NR2C2: variants seen among roughly 807,000 people sequenced by gnomAD.
NR2C2 encodes Nuclear hormone receptor TR4.
A neutral mutation model predicts 62.9 loss-of-function variants in NR2C2; 6 were observed. That is an observed-to-expected ratio of 0.10 (90% CI 0.05 to 0.19). The LOEUF is 0.19. Ranked by LOEUF, NR2C2 falls within the 10% of genes least tolerant of loss-of-function variation. The pLI, the probability that NR2C2 is intolerant of heterozygous loss-of-function variation, is 1.00. For missense variants in NR2C2, 479 were observed against 762.7 expected (o/e 0.63, Z 4.38); for synonymous variants, 272 against 273.8 (o/e 0.99, Z 0.07).
intron 1 of NR2C2, among the ~76,000 whole-genome samples, chr3:14,993,723 C>T (rs1416968688): frequency 6.6e-6 from 1 of 152,146 alleles, no homozygotes; most frequent in Admixed American, 6.5e-5. Flanking sequence ...TTCACTGAAT[C>T]TCAGGGCTAT....
At chr3:14,971,005 G>T (rs62241834) in intron 1 of NR2C2, among the ~76,000 whole-genome samples, 10,912 of 152,278 alleles carry the variant, frequency 0.072, 431 homozygotes, top group Middle Eastern at 0.099. Context: ...TTTATTATAA[G>T]CTTTGTGTAA....
chr3:15,015,352 C>T lies in NR2C2; in HGVS notation c.274-800C>T, dbSNP rs527344718. 3.9e-5 allele frequency among the ~76,000 whole-genome samples: 6 copies of T among 152,292 alleles called. No individual in the cohort carries two copies. In the South Asian group the frequency reaches 1.2e-3, roughly 32 times the overall value. On this transcript the variant is annotated intron_variant, in intron 3 of 13. Coordinates refer to ENST00000425241, the MANE Select transcript of NR2C2 (RefSeq NM_001291694.2). ...TATTCTCCCAGATGAATTGCTGTCG[C>T]CTAGAAAATCACCACAAATGAGGGG...
chr3:14,992,090 C>T (rs971502689), intron 1 of NR2C2, among the ~76,000 whole-genome samples: 1 of 152,014 alleles, frequency 6.6e-6, no homozygotes, highest in African/African-American at 2.4e-5. Context: ...TCTTCTTCAA[C>T]CTAGATGTTC....
intron 2 of NR2C2, among the ~76,000 whole-genome samples, chr3:15,007,222 G>T (rs2041204181): frequency 6.6e-6 from 1 of 151,578 alleles, no homozygotes; most frequent in South Asian, 2.1e-4. Flanking sequence ...CCGCCTCCCG[G>T]GTTCATGCCA....
intron 1 of NR2C2, among the ~76,000 whole-genome samples, chr3:14,992,881 C>G (rs954376630): frequency 6.6e-6 from 1 of 152,144 alleles, no homozygotes; most frequent in Non-Finnish European, 1.5e-5. Context: ...GTTTTCCTGT[C>G]AAGGTAAAAT....
chr3:14,968,053 A>T (rs2039912612), intron 1 of NR2C2, among the ~76,000 whole-genome samples: 1 of 152,248 alleles, frequency 6.6e-6, no homozygotes, highest in South Asian at 2.1e-4. Context: ...AAACCTAGGC[A>T]TTACCATTCA....
At chr3:14,959,803 T>G (rs2125241950) in intron 1 of NR2C2, among the ~76,000 whole-genome samples, 1 of 152,250 alleles carries the variant, frequency 6.6e-6, no homozygotes, top group South Asian at 2.1e-4. Flanking sequence ...AAGATAGTGG[T>G]GGTGACCAAG....
chr3:15,000,200 T>C (rs1320099750), intron 1 of NR2C2, among the ~76,000 whole-genome samples: 1 of 152,174 alleles, frequency 6.6e-6, no homozygotes, highest in Admixed American at 6.5e-5. Flanking sequence ...CTCTGTTAAC[T>C]ACCATTTTAC....
Position 15,044,090 on chromosome 3 carries a change from C to T in NR2C2, c.*1082C>T, listed in dbSNP as rs2042367012. The stretch of plus-strand genomic sequence containing the variant: ...ACTCCAAATGCCCCCTTGAAAAGGG[C>T]TCGTGTTTCTGCAGCTCCATCATAA... On this transcript the variant is annotated 3_prime_UTR_variant, in exon 14 of 14. Coordinates refer to ENST00000425241, the MANE Select transcript of NR2C2 (RefSeq NM_001291694.2). 1 of 152,090 alleles carries T rather than the reference C, an allele frequency of 6.6e-6. No individual in the cohort carries two copies. Among genetic ancestry groups the T allele is most frequent in the African/African-American group, 2.4e-5 (1 of 41,410 alleles). 9.4% of individuals were successfully genotyped at this position (152,090 alleles called of 1,614,324 possible). A position where few individuals can be genotyped will look rare whatever the true frequency, so the allele number is the denominator to read the frequency against.
chr3:15,000,204 A>C (rs1402044637), intron 1 of NR2C2, among the ~76,000 whole-genome samples: 1 of 151,856 alleles, frequency 6.6e-6, no homozygotes, highest in Non-Finnish European at 1.5e-5. Context: ...GTTAACTACC[A>C]TTTTACTCTG....
chr3:14,952,899 C>T (rs2039410959), intron 1 of NR2C2, among the ~76,000 whole-genome samples: 1 of 152,140 alleles, frequency 6.6e-6, no homozygotes, highest in African/African-American at 2.4e-5. Context: ...AAGAACTGCC[C>T]AAGAACAACA....
At chr3:15,013,298 T>C (rs561055862) in intron 2 of NR2C2, among the ~76,000 whole-genome samples, 2 of 152,332 alleles carry the variant, frequency 1.3e-5, no homozygotes, top group East Asian at 1.9e-4. Flanking sequence ...TTTCAAAAAG[T>C]TAAACCTACT....
rs765171577 is a variant in NR2C2, at chr3:15,047,174, A to G, written c.*4166A>G. On this transcript the variant is annotated 3_prime_UTR_variant, in exon 14 of 14. Coordinates refer to ENST00000425241, the MANE Select transcript of NR2C2 (RefSeq NM_001291694.2). ...CTTTCCTTTAAAGAGAGTTTTTCAT[A>G]AAGTTGCTAATGTAAACTGATATGG... 21 of 152,766 alleles carry G rather than the reference A, an allele frequency of 1.4e-4. No individual in the cohort carries two copies. The highest frequency in any genetic ancestry group is 4.1e-4 in the African/African-American group (17 of 41,576). 9.5% of individuals were successfully genotyped at this position (152,766 alleles called of 1,614,324 possible).
At chr3:15,029,956 AAAG>A (rs1422594273) in intron 8 of NR2C2, among the ~76,000 whole-genome samples, 3 of 152,040 alleles carry the variant, frequency 2.0e-5, no homozygotes, top group Non-Finnish European at 4.4e-5. Context: ...AAAGAAAAGA[AAAG>A]AAAGAAATTG....
chr3:14,952,326 C>G, intron 1 of NR2C2, among the ~76,000 whole-genome samples: 1 of 147,628 alleles, frequency 6.8e-6, no homozygotes, highest in South Asian at 2.1e-4. Flanking sequence ...AGCCACTGGT[C>G]TGTGTCTAGC....
At chr3:15,032,139 G>A (rs896136262) in intron 9 of NR2C2, among the ~76,000 whole-genome samples, 1 of 152,136 alleles carries the variant, frequency 6.6e-6, no homozygotes, top group African/African-American at 2.4e-5. Context: ...TTTTTGTGGG[G>A]GTGGGCTGGG....
intron 11 of NR2C2, among the ~76,000 whole-genome samples, chr3:15,037,209 T>TTTTGTGTG (rs776536753): frequency 0.072 from 9,408 of 130,236 alleles, 356 homozygotes; most frequent in Non-Finnish European, 0.1. Flanking sequence ...TGTTTTTTGT[T>TTTTGTGTG]TGTGTGTGTG....
chr3:15,028,748 C>T (rs746792626), intron 8 of NR2C2, 29 bp downstream of exon 8: 3 of 1,605,482 alleles, frequency 1.9e-6, no homozygotes, highest in Admixed American at 3.3e-5. Context: ...GGAGTCTCCC[C>T]TCCTCGCCTG....
intron 1 of NR2C2, among the ~76,000 whole-genome samples, chr3:14,971,652 G>C (rs1297324414): frequency 1.3e-5 from 2 of 151,538 alleles, no homozygotes; most frequent in Admixed American, 1.3e-4. Flanking sequence ...CACGTTATTT[G>C]TTGTTTTGTT....
Sources: allele counts gnomAD v4.1 joint callset (sites outside exome capture counted in the v4.1 genomes callset), GRCh38; gene constraint gnomAD v4.1.1; transcripts MANE v1.5; gene names NCBI Gene and HGNC (gene_info 2026-07-23, HGNC 2026-07-21).